The following CRIP2 variants were observed in gnomAD, a reference collection of about 807,000 sequenced individuals.
CRIP2 encodes the protein cysteine-rich protein 2.
A neutral mutation model predicts 31.3 loss-of-function variants in CRIP2; 31 were observed. The observed-to-expected ratio is 0.99, with a 90% CI of 0.74 to 1.34. The LOEUF is 1.34. Among genes scored for constraint, CRIP2 ranks in the 40% most tolerant of loss-of-function variants. The pLI is 0.00. For missense variants in CRIP2, 389 were observed against 301.6 expected, an observed-to-expected ratio of 1.29 and a Z score of -2.15; for synonymous variants, 177 against 127.2, an observed-to-expected ratio of 1.39 and a Z score of -2.63.
chr14:105,476,425 C>A (rs2083933711), intron 1 of CRIP2: 1 of 985,568 alleles, frequency 1.0e-6, no homozygotes, highest in Non-Finnish European at 1.2e-6. Flanking sequence ...CTGAGTAGAA[C>A]CCAGGCTGGG....
Position 105,478,145 on chromosome 14 carries a change from C to T in CRIP2, c.44-121C>T, listed in dbSNP as rs993159425. 6.7e-6 allele frequency: 5 copies of T among 746,234 alleles called. No homozygotes were observed. In the African/African-American group the frequency reaches 7.6e-5, roughly 11 times the overall value. 46.2% of individuals were successfully genotyped at this position (746,234 alleles called of 1,614,324 possible). On this transcript the variant is annotated intron_variant, in intron 1 of 7. Transcript: ENST00000329146. The surrounding 1 kb of genome is among the most constrained non-coding windows in gnomAD (Gnocchi z 4.9). Reference sequence around the variant, plus strand: ...GGCCCGCCAGGTGGAAGGAAGGCGCCTGGGAGACCTCCTGAAAGTGGGGAC... The same window carrying T: ...GGCCCGCCAGGTGGAAGGAAGGCGCTTGGGAGACCTCCTGAAAGTGGGGAC...
At chr14:105,475,663 G>C (rs1555435650) in intron 1 of CRIP2, among the ~76,000 whole-genome samples, 1 of 152,198 alleles carries the variant, frequency 6.6e-6, no homozygotes, top group East Asian at 1.9e-4. Context: ...GCGGGAAGAG[G>C]GATGTCTCGC....
rs2083939419 is a variant in CRIP2 at position 105,476,687 on chromosome 14, C to T, written c.44-1579C>T. ...CCACGGCCGATAGCCACCGAGACTT[C>T]CTTGCTGCTGCTGGGACACGCCTGC... On this transcript the variant is annotated intron_variant, in intron 1 of 7. Transcript: ENST00000329146. The T allele has an allele frequency of 4.1e-6, 4 of 985,428 alleles. No homozygotes were observed. In the South Asian group the frequency reaches 1.9e-4, roughly 46 times the overall value. 61.0% of individuals were successfully genotyped at this position (985,428 alleles called of 1,614,324 possible).
rs587653149 is a variant in CRIP2 at position 105,479,817 on chromosome 14, C to T, written c.*164C>T. The T allele has an allele frequency of 1.2e-5, 9 of 723,336 alleles. No homozygotes were observed. Among genetic ancestry groups the T allele is most frequent in the African/African-American group, 7.0e-5 (4 of 57,060 alleles). The allele number at this position is 723,336 out of a possible 1,614,324, so 44.8% of individuals were successfully genotyped here. ...ACGGGCAGAGCACCATGCCCATCCC[C>T]GAGTCTCTGGTGTGTCTGCCCCCTC... On this transcript the variant is annotated 3_prime_UTR_variant, in exon 8 of 8. Coordinates refer to ENST00000329146, the MANE Select transcript of CRIP2 (RefSeq NM_001312.4).
chr14:105,477,261 G>T lies in CRIP2; in HGVS notation c.44-1005G>T, dbSNP rs370793538. 2.4e-4 allele frequency: 240 copies of T among 985,264 alleles called. 3 individuals are homozygous for T. In the East Asian group the frequency reaches 7.7e-3, roughly 32 times the overall value. The allele number at this position is 985,264 out of a possible 1,614,324, so 61.0% of individuals were successfully genotyped here. On this transcript the variant is annotated intron_variant, in intron 1 of 7. Coordinates refer to ENST00000329146, the MANE Select transcript of CRIP2 (RefSeq NM_001312.4). ...ACTGGGAAGCAGTCCAGTAGCCCCA[G>T]TGTGGGGGTGGGAGGCAGTGGCAGA...
rs781803780 is a variant in CRIP2, at chr14:105,478,456, G to C, written c.145G>C (p.Gly49Arg). ...CCCGCGCCCCTCTGCGCAGCATGAC[G>C]GGAAGCCGTTCTGCCACAAGCCGTG... ...LTPGGHAEHD[G>R]KPFCHKPCYA... Residue 49 changes from glycine to arginine, a missense_variant, in exon 3 of 8, where the codon GGG (glycine) becomes CGG (arginine). By Grantham distance (125) the Gly-to-Arg change is moderately radical. Transcript: ENST00000329146. The surrounding 1 kb of genome is among the most constrained non-coding windows in gnomAD (Gnocchi z 4.9). 6.2e-6 allele frequency: 10 copies of C among 1,605,716 alleles called. No homozygotes were observed. The highest frequency in any genetic ancestry group is 1.3e-5 in the African/African-American group (1 of 74,800).
rs1409636980 is a variant in CRIP2, at chr14:105,479,619, A to G, written c.593A>G (p.Tyr198Cys). 6.2e-7 allele frequency: 1 copy of G among 1,612,630 alleles called. No homozygotes were observed. Among genetic ancestry groups the G allele is most frequent in the Non-Finnish European group, 8.5e-7 (1 of 1,179,904 alleles). The change falls in exon 8 of 8, where the codon TAT becomes TGT. Residue 198 changes from tyrosine (Y) to cysteine (C), a missense_variant. Tyr to Cys is a radical substitution (Grantham distance 194). Coordinates refer to ENST00000329146, the MANE Select transcript of CRIP2 (RefSeq NM_001312.4). ...VNTGAVGSYI[Y>C]DRDPEGKVQP Reference sequence around the variant, plus strand: ...ACCGGTGCGGTGGGCAGCTACATCTATGACCGGGACCCCGAAGGCAAGGTC... The same window carrying G: ...ACCGGTGCGGTGGGCAGCTACATCTGTGACCGGGACCCCGAAGGCAAGGTC...
At chr14:105,475,037 A>G (rs1555435468) in intron 1 of CRIP2, 132 bp downstream of exon 1, 1 of 1,094,974 alleles carries the variant, frequency 9.1e-7, no homozygotes, top group Non-Finnish European at 1.2e-6. Flanking sequence ...CGCGTCCCGG[A>G]GGCTGGCTGG....
intron 1 of CRIP2, chr14:105,476,101 C>G (rs2083927382): frequency 1.0e-6 from 1 of 985,536 alleles, no homozygotes; most frequent in African/African-American, 1.7e-5. Flanking sequence ...CCCGCTCAGC[C>G]CTCAGTCTCT....
intron 1 of CRIP2, chr14:105,477,601 GGT>G: frequency 1.0e-6 from 1 of 970,290 alleles, no homozygotes; most frequent in South Asian, 4.7e-5. Flanking sequence ...TGCAGAGGCA[GGT>G]GTGTGAGTGT....
At chr14:105,477,505 A>C (rs1244475086) in intron 1 of CRIP2, 1 of 984,574 alleles carries the variant, frequency 1.0e-6, no homozygotes, top group African/African-American at 1.8e-5. Flanking sequence ...TGCCAGCCCC[A>C]TCAGGGCCCA....
chr14:105,479,311 G>C, intron 6 of CRIP2, 92 bp downstream of exon 6: 10 of 1,516,830 alleles, frequency 6.6e-6, no homozygotes, highest in Non-Finnish European at 9.0e-6. Context: ...GATGGGGGGT[G>C]GTGCTTCTGG....
In CRIP2 at chr14:105,479,627, G is replaced by C. The variant is rs782790533; in HGVS notation, c.601G>C (p.Asp201His). ...GAVGSYIYDR[D>H]PEGKVQP The stretch of plus-strand genomic sequence containing the variant: ...GGTGGGCAGCTACATCTATGACCGG[G>C]ACCCCGAAGGCAAGGTCCAGCCCTA... Residue 201 changes from aspartate (D) to histidine (H), a missense_variant, in exon 8 of 8, where the codon GAC becomes CAC. Asp to His is a moderately conservative substitution (Grantham distance 81, BLOSUM62 -1). Transcript: ENST00000329146. 6.2e-7 allele frequency: 1 copy of C among 1,612,690 alleles called. No homozygotes were observed. The highest frequency in any genetic ancestry group is 1.1e-5 in the South Asian group (1 of 91,052).
upstream of CRIP2, among the ~76,000 whole-genome samples, chr14:105,473,695 G>A (rs782094072): frequency 1.3e-5 from 2 of 152,232 alleles, no homozygotes; most frequent in Non-Finnish European, 2.9e-5. Flanking sequence ...GAAGCCCGTG[G>A]GTGCGGAGGT....
In CRIP2 at chr14:105,479,608, C is replaced by T. The variant is rs782324929; in HGVS notation, c.582C>T (p.Gly194=). 2.5e-6 allele frequency: 4 copies of T among 1,612,808 alleles called. No homozygotes were observed. The highest frequency in any genetic ancestry group is 3.3e-5 in the Admixed American group (2 of 60,012). The stretch of plus-strand genomic sequence containing the variant: ...CAGGAGTGAACACCGGTGCGGTGGG[C>T]AGCTACATCTATGACCGGGACCCCG... ...GPKGVNTGAV[G]SYIYDRDPEG... The change falls in exon 8 of 8, where the codon GGC becomes GGT. Residue 194 remains glycine (G), a synonymous_variant. Transcript: ENST00000329146.
intron 1 of CRIP2, chr14:105,477,495 T>A (rs1308504883): frequency 1.0e-6 from 1 of 984,236 alleles, no homozygotes; most frequent in African/African-American, 1.8e-5. Flanking sequence ...AGCGGGGTGC[T>A]GCCAGCCCCA....
chr14:105,479,379 G>A (rs2084036984), intron 6 of CRIP2, 57 bp from the exon 7 acceptor site: 1 of 1,608,756 alleles, frequency 6.2e-7, no homozygotes, highest in South Asian at 1.1e-5. Context: ...GAAGCCTCCA[G>A]GTGATGGGTC....
In CRIP2 at chr14:105,479,389, CG is replaced by C. The variant is rs1309434873; in HGVS notation, c.502-42del. 10 of 1,607,436 alleles carry C rather than the reference CG, an allele frequency of 6.2e-6. No homozygotes were observed. In the African/African-American group the frequency reaches 9.4e-5, roughly 15 times the overall value. ...TTCTGGAAGCCTCCAGGTGATGGGT[CG>C]GGGGAGTCTGTGGACTCCTCCCTCA... On this transcript the variant is annotated intron_variant, in intron 6 of 7. Coordinates refer to ENST00000329146, the MANE Select transcript of CRIP2 (RefSeq NM_001312.4).
At chr14:105,474,221 GC>G, upstream of CRIP2, 1 of 152,422 alleles carries the variant, frequency 6.6e-6, no homozygotes, top group Non-Finnish European at 1.5e-5. The surrounding 1 kb of genome is among the most constrained non-coding windows in gnomAD (Gnocchi z 5.1). Context: ...GGGGCGGGGC[GC>G]GGGCGGGGGC....
Sources: allele counts gnomAD v4.1 joint callset (sites outside exome capture counted in the v4.1 genomes callset), GRCh38; gene constraint gnomAD v4.1.1; non-coding constraint Gnocchi (gnomAD v3.1); transcripts MANE v1.5; gene names NCBI Gene and HGNC (gene_info 2026-07-23, HGNC 2026-07-21).